RBFOX1: variants seen among roughly 807,000 people sequenced by gnomAD.
RBFOX1 encodes the protein RNA binding protein fox-1 homolog 1.
RBFOX1 carries 8 observed loss-of-function variants against 57.7 expected under a neutral mutation model. That is an observed-to-expected ratio of 0.14 (90% CI 0.08 to 0.25). The LOEUF (loss-of-function observed/expected upper bound fraction) is 0.25, where lower values mean the gene tolerates loss of function less well. RBFOX1 is among the 10% of genes least tolerant of loss of function. RBFOX1 has a pLI of 1.00. For missense variants in RBFOX1, 611 were observed against 548.5 expected (o/e 1.11, Z -1.14); for synonymous variants, 326 against 222.4 (o/e 1.47, Z -4.15).
At chr16:7,704,803 C>T (rs1361874473) in intron 14 of RBFOX1, among the ~76,000 whole-genome samples, 1 of 152,264 alleles carries the variant, frequency 6.6e-6, no homozygotes, top group East Asian at 1.9e-4. Flanking sequence ...GTAATCCTAG[C>T]ACTTTGGGAG....
At chr16:7,479,742 C>A (rs1294100773) in intron 4 of RBFOX1, among the ~76,000 whole-genome samples, 1 of 151,388 alleles carries the variant, frequency 6.6e-6, no homozygotes, top group Non-Finnish European at 1.5e-5. Context: ...GTGATTGGAG[C>A]TGGAATTTCT....
At chr16:6,004,746 A>G (rs1387902526) in intron 4 of RBFOX1, among the ~76,000 whole-genome samples, 3 of 152,184 alleles carry the variant, frequency 2.0e-5, no homozygotes, top group Non-Finnish European at 4.4e-5. Context: ...AGATTGTTCT[A>G]ATAAGCTTTA....
intron 13 of RBFOX1, among the ~76,000 whole-genome samples, chr16:7,670,340 A>G (rs942865124): frequency 1.3e-5 from 2 of 152,174 alleles, no homozygotes; most frequent in Non-Finnish European, 2.9e-5. Flanking sequence ...CCAACAGGAA[A>G]CTTTTTTTTC....
chr16:7,173,990 C>A (rs796200064), intron 4 of RBFOX1, among the ~76,000 whole-genome samples: 1 of 152,260 alleles, frequency 6.6e-6, no homozygotes, highest in African/African-American at 2.4e-5. Flanking sequence ...AGAAAGAGTT[C>A]AGTCAATCAC....
At chr16:6,479,177 C>T (rs1597841155) in intron 2 of RBFOX1, among the ~76,000 whole-genome samples, 4 of 152,244 alleles carry the variant, frequency 2.6e-5, no homozygotes, top group South Asian at 4.1e-4. Flanking sequence ...TAAAGACATA[C>T]CTGAGACTGC....
In RBFOX1 at chr16:7,441,992, G is replaced by C. The variant is rs1274304336; in HGVS notation, c.28-76155G>C. 2.6e-5 allele frequency among the ~76,000 whole-genome samples: 4 copies of C among 152,206 alleles called. No homozygotes were observed. In the East Asian group the frequency reaches 7.7e-4, roughly 29 times the overall value. ...GCTGCCATGCCTGAAGATTTCAGTAGCTCTTTGTCAGCACAAATGAGCTTT... is the reference window on the plus strand; with the variant it reads ...GCTGCCATGCCTGAAGATTTCAGTACCTCTTTGTCAGCACAAATGAGCTTT... On this transcript the variant is annotated intron_variant, in intron 4 of 15. Coordinates refer to ENST00000550418, the MANE Select transcript of RBFOX1 (RefSeq NM_018723.4).
chr16:7,369,743 G>T (rs754252096), intron 4 of RBFOX1, among the ~76,000 whole-genome samples: 1 of 152,146 alleles, frequency 6.6e-6, no homozygotes, highest in Admixed American at 6.5e-5. Context: ...CAAGTTTGTT[G>T]TGCTTCTGTT....
At chr16:5,977,280 G>A (rs764774201) in intron 4 of RBFOX1, among the ~76,000 whole-genome samples, 77 of 152,290 alleles carry the variant, frequency 5.1e-4, no homozygotes, top group Non-Finnish European at 9.3e-4. Flanking sequence ...TGACCCTGGA[G>A]GAGGTGTGTA....
At chr16:5,623,358 C>T (rs1362043584) in intron 3 of RBFOX1, among the ~76,000 whole-genome samples, 2 of 152,156 alleles carry the variant, frequency 1.3e-5, no homozygotes, top group Non-Finnish European at 2.9e-5. Flanking sequence ...TTCCTGGGCC[C>T]TTCCACAGTC....
chr16:5,507,906 C>G (rs118089436), intron 2 of RBFOX1, among the ~76,000 whole-genome samples: 1 of 152,208 alleles, frequency 6.6e-6, no homozygotes, highest in East Asian at 1.9e-4. Flanking sequence ...TCTTAGAGTT[C>G]TGCCCTCCAG....
downstream of RBFOX1, chr16:5,600,189 T>C (rs565491657): frequency 6.6e-6 from 1 of 150,376 alleles, no homozygotes; most frequent in East Asian, 2.0e-4. Flanking sequence ...TAGTCCCAGC[T>C]ACTCAGGAGG....
intron 1 of RBFOX1, among the ~76,000 whole-genome samples, chr16:6,293,022 C>G (rs763213379): frequency 6.6e-6 from 1 of 152,058 alleles, no homozygotes; most frequent in African/African-American, 2.4e-5. Context: ...TATCTTTCCC[C>G]CACCTGGAGG....
chr16:6,426,600 C>T (rs1466075856), intron 2 of RBFOX1, among the ~76,000 whole-genome samples: 1 of 152,098 alleles, frequency 6.6e-6, no homozygotes, highest in Non-Finnish European at 1.5e-5. Flanking sequence ...CAGTGCACTC[C>T]AGCCTGGGCA....
intron 1 of RBFOX1, among the ~76,000 whole-genome samples, chr16:6,115,010 T>C (rs1319970849): frequency 6.6e-6 from 1 of 152,162 alleles, no homozygotes; most frequent in Non-Finnish European, 1.5e-5. Flanking sequence ...TTTAGAACTT[T>C]CCAGGAAAGG....
At chr16:7,575,343 C>A (rs1602253180) in intron 5 of RBFOX1, among the ~76,000 whole-genome samples, 1 of 152,110 alleles carries the variant, frequency 6.6e-6, no homozygotes, top group Non-Finnish European at 1.5e-5. Context: ...CCATGTTGGT[C>A]AGGCTGGTCT....
In RBFOX1 at chr16:7,252,960, A is replaced by T. The variant is rs140470367; in HGVS notation, c.27+200862A>T. Reference sequence around the variant, plus strand: ...CACACATTTTGTAAATTTTGTAAATAAGCATGCACATATGTTAAAGGAAGT... The same window carrying T: ...CACACATTTTGTAAATTTTGTAAATTAGCATGCACATATGTTAAAGGAAGT... On this transcript the variant is annotated intron_variant, in intron 4 of 15. Transcript: ENST00000550418. 1.8e-4 allele frequency among the ~76,000 whole-genome samples: 27 copies of T among 152,312 alleles called. No individual in the cohort carries two copies. The East Asian group carries it at 5.2e-3, about 29-fold the overall frequency.
At chr16:7,648,450 C>G (rs913996998) in intron 11 of RBFOX1, among the ~76,000 whole-genome samples, 6 of 152,112 alleles carry the variant, frequency 3.9e-5, no homozygotes, top group African/African-American at 1.4e-4. Flanking sequence ...ATCTTGATCT[C>G]TTGACCTTGT....
chr16:6,370,568 T>C (rs1395871153), intron 2 of RBFOX1, among the ~76,000 whole-genome samples: 5 of 151,968 alleles, frequency 3.3e-5, no homozygotes, highest in Non-Finnish European at 7.4e-5. Context: ...TTACGCTAAG[T>C]GAAAGAAACC....
chr16:6,673,463 C>T (rs1289075464), intron 3 of RBFOX1, among the ~76,000 whole-genome samples: 2 of 152,210 alleles, frequency 1.3e-5, no homozygotes, highest in Middle Eastern at 3.4e-3. Flanking sequence ...TGGTGCATGC[C>T]TGTAATCCCA....
Sources: allele counts gnomAD v4.1 joint callset (sites outside exome capture counted in the v4.1 genomes callset), GRCh38; gene constraint gnomAD v4.1.1; transcripts MANE v1.5; gene names NCBI Gene and HGNC (gene_info 2026-07-23, HGNC 2026-07-21).